AFDN: variants seen among roughly 807,000 people sequenced by gnomAD.
AFDN encodes afadin, adherens junction formation factor.
A neutral mutation model predicts 216.6 loss-of-function variants in AFDN; 68 were observed. That is an observed-to-expected ratio of 0.31 (90% CI 0.26 to 0.38). The LOEUF is 0.38. Among genes scored for constraint, AFDN ranks in the 10% least tolerant of loss-of-function variants. The probability of loss-of-function intolerance (pLI) is 1.00; values close to 1 mark genes in which losing one functional copy is unlikely to be tolerated. For missense variants in AFDN, 2,136 were observed against 2,342.0 expected (o/e 0.91, Z 1.82); for synonymous variants, 868 against 853.7 (o/e 1.02, Z -0.29).
At chr6:167,931,671 A>G (rs1034582343) in intron 23 of AFDN, among the ~76,000 whole-genome samples, 1 of 152,080 alleles carries the variant, frequency 6.6e-6, no homozygotes, top group African/African-American at 2.4e-5. Context: ...TGCCGAGATA[A>G]CACTGTATAG....
At chr6:167,898,088 A>G in intron 10 of AFDN, 117 bp from the exon 11 acceptor site, 1 of 1,152,400 alleles carries the variant, frequency 8.7e-7, no homozygotes, top group Admixed American at 2.8e-5. Context: ...GGCACTAAAA[A>G]TCCAGAGCTT....
At chr6:167,919,525 G>A (rs1791522349) in intron 21 of AFDN, among the ~76,000 whole-genome samples, 2 of 152,272 alleles carry the variant, frequency 1.3e-5, no homozygotes, top group African/African-American at 4.8e-5. Context: ...GCGAGTGGGT[G>A]TGAGTGCTGC....
chr6:167,872,138 G>GA, intron 3 of AFDN, 76 bp from the exon 4 acceptor site: 1 of 1,395,694 alleles, frequency 7.2e-7, no homozygotes, highest in East Asian at 2.3e-5. Flanking sequence ...CATGTGAGAT[G>GA]AAGTTACCTA....
chr6:167,965,970 TC>T lies in AFDN; in HGVS notation c.5187del (p.Asp1730ThrfsTer22). 1 of 1,543,236 alleles carries T rather than the reference TC, an allele frequency of 6.5e-7. No homozygotes were observed. The highest frequency in any genetic ancestry group is 8.7e-7 in the Non-Finnish European group (1 of 1,143,396). Reference protein sequence around the residue: ...NASYLKTQVLSPDSLFTAKFV... With the variant: ...NASYLKTQVLXPDSLFTAKFV... ...CTCCTACCTCAAAACACAGGTCCTC[TC>T]CCCCGACTCGCTGTTCACTGCCAAG... On this transcript the variant is annotated frameshift_variant, in exon 32 of 34. Coordinates refer to ENST00000683244, the MANE Select transcript of AFDN (RefSeq NM_001386888.1). LOFTEE classifies it high-confidence loss of function.
chr6:167,890,919 A>C lies in AFDN; in HGVS notation c.1067A>C (p.Lys356Thr). The stretch of plus-strand genomic sequence containing the variant: ...CCAGACCACATCCCAAAGAAAACCA[A>C]GAAACACTTGGAAGGCAAGACACCC... ...RPPDHIPKKTKKHLEGKTPKG... is the reference protein window; with the variant it reads ...RPPDHIPKKTTKHLEGKTPKG... Residue 356 changes from lysine to threonine, a missense_variant, in exon 8 of 34, where the codon AAG (lysine) becomes ACG (threonine). By Grantham distance (78) the Lys-to-Thr change is moderately conservative. Coordinates refer to ENST00000683244, the MANE Select transcript of AFDN (RefSeq NM_001386888.1). 6.2e-6 allele frequency: 10 copies of C among 1,614,140 alleles called. No individual in the cohort carries two copies. The highest frequency in any genetic ancestry group is 8.5e-6 in the Non-Finnish European group (10 of 1,179,992).
chr6:167,884,974 G>C (rs1311568977), intron 6 of AFDN, among the ~76,000 whole-genome samples: 1 of 152,128 alleles, frequency 6.6e-6, no homozygotes, highest in Non-Finnish European at 1.5e-5. Context: ...AGATCTTCTG[G>C]AGAACTTGCT....
intron 23 of AFDN, among the ~76,000 whole-genome samples, chr6:167,933,241 GTTAA>G (rs1793550909): frequency 1.3e-5 from 2 of 152,244 alleles, no homozygotes; most frequent in Admixed American, 1.3e-4. Context: ...AAAATAAATG[GTTAA>G]TTAATGCCTT....
chr6:167,961,954 C>T (rs1797079110), intron 30 of AFDN, among the ~76,000 whole-genome samples: 2 of 152,212 alleles, frequency 1.3e-5, no homozygotes, highest in Admixed American at 6.5e-5. Flanking sequence ...ACATATGCTG[C>T]TTCTGTCCCA....
rs775036370 is a variant in AFDN, at chr6:167,911,493, C to A, written c.2037+4C>A. ...CATGATGGAGGGTGTCATCCAGGTA[C>A]GTTCCAGCCGGCCAGCCATGCTCCT... On this transcript the variant is annotated splice_donor_region_variant and intron_variant, in intron 15 of 33. Coordinates refer to ENST00000683244, the MANE Select transcript of AFDN (RefSeq NM_001386888.1). 6.2e-7 allele frequency: 1 copy of A among 1,613,766 alleles called. No homozygotes were observed. Among genetic ancestry groups the A allele is most frequent in the African/African-American group, 1.3e-5 (1 of 75,020 alleles).
chr6:167,920,221 G>A (rs1791604957), intron 21 of AFDN, among the ~76,000 whole-genome samples: 1 of 152,072 alleles, frequency 6.6e-6, no homozygotes, highest in African/African-American at 2.4e-5. Flanking sequence ...CTTGGTAGAG[G>A]TGCACCTGTG....
intron 23 of AFDN, among the ~76,000 whole-genome samples, chr6:167,926,016 T>A (rs1792481745): frequency 6.6e-6 from 1 of 152,252 alleles, no homozygotes; most frequent in African/African-American, 2.4e-5. Context: ...ATGATAGAAG[T>A]GCCTTCTGAA....
At chr6:167,917,439 G>A (rs1248771749) in intron 20 of AFDN, among the ~76,000 whole-genome samples, 1 of 152,242 alleles carries the variant, frequency 6.6e-6, no homozygotes, top group African/African-American at 2.4e-5. Context: ...AGGAAATTAG[G>A]TTCTTGGGAA....
intron 1 of AFDN, among the ~76,000 whole-genome samples, chr6:167,833,875 A>T (rs945155163): frequency 6.6e-6 from 1 of 152,214 alleles, no homozygotes; most frequent in Non-Finnish European, 1.5e-5. Flanking sequence ...GATTGAGGAC[A>T]TATCTTTCAA....
chr6:167,900,863 A>ATATGTTTTGGTGATAGATAG (rs1788856287), intron 11 of AFDN, among the ~76,000 whole-genome samples: 1 of 152,336 alleles, frequency 6.6e-6, no homozygotes, highest in East Asian at 1.9e-4. Flanking sequence ...TGTTTTTGTG[A>ATATGTTTTGGTGATAGATAG]ATATCTTGGT....
At chr6:167,914,346 C>A (rs1466650838) in intron 17 of AFDN, 33 bp downstream of exon 17, 4 of 1,600,568 alleles carry the variant, frequency 2.5e-6, no homozygotes, top group African/African-American at 2.7e-5. Flanking sequence ...CGGCACTACT[C>A]TAAATAATTA....
At chr6:167,945,173 T>TA (rs1795122388) in intron 26 of AFDN, among the ~76,000 whole-genome samples, 1 of 151,978 alleles carries the variant, frequency 6.6e-6, no homozygotes. Flanking sequence ...ATTTTTTTTT[T>TA]AATTTATCTT....
chr6:167,862,775 A>G (rs1052261423), intron 1 of AFDN, among the ~76,000 whole-genome samples: 9 of 152,146 alleles, frequency 5.9e-5, no homozygotes, highest in South Asian at 2.1e-4. Flanking sequence ...CCAGACTAAG[A>G]GGTTGTTGAT....
intron 20 of AFDN, among the ~76,000 whole-genome samples, chr6:167,918,270 ATATATTTCCAAACTGGCAAAAATACTGGG>A (rs1432292564): frequency 6.6e-6 from 1 of 152,226 alleles, no homozygotes; most frequent in East Asian, 1.9e-4. Flanking sequence ...CTATATATTG[ATATATTTCCAAACTGGCAAAAATACTGGG>A]TAGATATTTG....
intron 23 of AFDN, among the ~76,000 whole-genome samples, chr6:167,934,025 T>C (rs1312364129): frequency 6.6e-6 from 1 of 152,206 alleles, no homozygotes; most frequent in Non-Finnish European, 1.5e-5. Flanking sequence ...CAGTGGTCTC[T>C]TGTGCCTGAA....
Sources: gnomAD v4.1 joint callset for allele counts (sites outside exome capture counted in the v4.1 genomes callset) on GRCh38, gnomAD v4.1.1 for gene constraint, MANE v1.5 for transcripts, NCBI Gene and HGNC (gene_info 2026-07-23, HGNC 2026-07-21) for gene names.